Variants in WDR11 observed in about 807,000 individuals in gnomAD.
WDR11 encodes the protein WD repeat-containing protein 11.
Under a neutral mutation model 151.2 loss-of-function variants are expected in WDR11, and 83 were observed. The ratio of observed to expected loss-of-function variants is 0.55; its 90% CI spans 0.46 to 0.66. The LOEUF (loss-of-function observed/expected upper bound fraction) is 0.66, where lower values mean the gene tolerates loss of function less well. Among genes scored for constraint, WDR11 ranks in the 30% least tolerant of loss-of-function variants. The probability of loss-of-function intolerance (pLI) is 0.00; values close to 1 mark genes in which losing one functional copy is unlikely to be tolerated. For synonymous variants in WDR11, 484 were observed against 533.1 expected, an observed-to-expected ratio of 0.91 and a Z score of 1.27; for missense variants, 1,301 against 1,480.9, an observed-to-expected ratio of 0.88 and a Z score of 1.99.
At chr10:120,871,492 C>A in intron 10 of WDR11, 146 bp downstream of exon 10, 1 of 661,178 alleles carries the variant, frequency 1.5e-6, no homozygotes, top group Non-Finnish European at 2.2e-6. Context: ...CATCCTGGAA[C>A]TTAAAAAAAA....
At chr10:120,908,386 C>A in intron 28 of WDR11, 170 bp from the exon 29 acceptor site, 1 of 685,892 alleles carries the variant, frequency 1.5e-6, no homozygotes. Context: ...GGGAATCACC[C>A]TCTGCCCGCG....
At chr10:120,902,053 G>C (rs752605332) in intron 21 of WDR11, among the ~76,000 whole-genome samples, 1 of 152,232 alleles carries the variant, frequency 6.6e-6, no homozygotes, top group Non-Finnish European at 1.5e-5. Flanking sequence ...GCTGAAAGCT[G>C]CTGCTTCTCC....
intron 9 of WDR11, among the ~76,000 whole-genome samples, chr10:120,869,104 A>AG (rs59791915): frequency 7.6e-6 from 1 of 131,370 alleles, no homozygotes; most frequent in African/African-American, 2.9e-5. Context: ...TATAAATTAC[A>AG]GGTTTTTTTT....
At chr10:120,867,223 A>G in intron 9 of WDR11, 54 bp downstream of exon 9, 7 of 1,237,234 alleles carry the variant, frequency 5.7e-6, no homozygotes, top group Non-Finnish European at 8.4e-6. Flanking sequence ...GAAGGGCAAA[A>G]TTAATAGAAT....
In WDR11 at chr10:120,874,217, G is replaced by GT. The variant is rs1274691573; in HGVS notation, c.1556+298dup. ...TGTTGTTGTTGTTGTTGTTTGTTTTGTTTTGTTTTGTTTTTTTTAAATGGC... is the reference window on the plus strand; with the variant it reads ...TGTTGTTGTTGTTGTTGTTTGTTTTGTTTTTGTTTTGTTTTTTTTAAATGGC... On this transcript the variant is annotated intron_variant, in intron 11 of 28. Transcript: ENST00000263461. 3.0e-4 allele frequency among the ~76,000 whole-genome samples: 24 copies of GT among 79,772 alleles called. 2 individuals carry two copies. Among genetic ancestry groups the GT allele is most frequent in the African/African-American group, 6.4e-4 (11 of 17,294 alleles). The allele number at this position is 79,772 out of a possible 152,430, so 52.3% of individuals were successfully genotyped here. A position where few individuals can be genotyped will look rare whatever the true frequency, so the allele number is the denominator to read the frequency against.
chr10:120,858,087 T>C (rs1846015191), intron 2 of WDR11, among the ~76,000 whole-genome samples: 1 of 152,196 alleles, frequency 6.6e-6, no homozygotes, highest in Non-Finnish European at 1.5e-5. Flanking sequence ...ATGTGTTTTT[T>C]ATTTTAAAAA....
chr10:120,882,029 C>A (rs1474572582), intron 13 of WDR11, among the ~76,000 whole-genome samples: 1 of 151,974 alleles, frequency 6.6e-6, no homozygotes, highest in Non-Finnish European at 1.5e-5. Flanking sequence ...AGTTTTATTC[C>A]TAGTTTGCTG....
chr10:120,863,194 C>T lies in WDR11; in HGVS notation c.713+273C>T, dbSNP rs1000764052. ...AATTCTGATTTTTACTTGTGAAAAT[C>T]GCAATGATCCTAAAGTTCAGGCAAT... On this transcript the variant is annotated intron_variant, in intron 5 of 28. Coordinates refer to ENST00000263461, the MANE Select transcript of WDR11 (RefSeq NM_018117.12). Among the ~76,000 whole-genome samples, 4 of 152,142 alleles carry T rather than the reference C, an allele frequency of 2.6e-5. No individual in the cohort carries two copies. In the South Asian group the frequency reaches 6.2e-4, roughly 24 times the overall value.
intron 9 of WDR11, 121 bp from the exon 10 acceptor site, chr10:120,871,049 T>G: frequency 9.9e-7 from 1 of 1,010,696 alleles, no homozygotes. Flanking sequence ...GCCACTAAAG[T>G]ACTACATTAA....
At position 120,865,667 on chromosome 10, in the gene WDR11, T is replaced by A; in HGVS notation, c.917T>A (p.Leu306Gln). 1.2e-6 allele frequency: 2 copies of A among 1,611,014 alleles called. No individual in the cohort carries two copies. Among genetic ancestry groups the A allele is most frequent in the South Asian group, 2.2e-5 (2 of 90,836 alleles). The part of the protein sequence containing the change: ...PCFQRDGLFC[L>Q]HENGCITLRV... ...TTTCAGCGTGATGGTTTATTTTGTC[T>A]ACATGAAAATGGTTGTATAACTTTA... The change falls in exon 7 of 29, where the codon CTA becomes CAA. Residue 306 changes from leucine (L) to glutamine (Q), a missense_variant. Leu to Gln is a moderately radical substitution (Grantham distance 113). Around this residue, in one of 3 missense-constraint regions of WDR11, gnomAD observed 692 missense variants for 762.5 expected, o/e 0.91. Coordinates refer to ENST00000263461, the MANE Select transcript of WDR11 (RefSeq NM_018117.12).
chr10:120,894,467 GGC>G (rs1206833605), intron 19 of WDR11, among the ~76,000 whole-genome samples: 2 of 152,132 alleles, frequency 1.3e-5, no homozygotes, highest in African/African-American at 4.8e-5. Flanking sequence ...GGAACGATCT[GGC>G]GCAATGAAGA....
intron 4 of WDR11, 28 bp downstream of exon 4, chr10:120,860,310 A>C: frequency 6.2e-7 from 1 of 1,605,804 alleles, no homozygotes; most frequent in Non-Finnish European, 8.5e-7. Flanking sequence ...GTGGAAAATG[A>C]GTTAAGTGAG....
chr10:120,861,411 C>T (rs554670443), intron 4 of WDR11, among the ~76,000 whole-genome samples: 2 of 152,246 alleles, frequency 1.3e-5, no homozygotes, highest in Non-Finnish European at 2.9e-5. Flanking sequence ...TACTTACTCA[C>T]ATAGGTGCAG....
Position 120,906,782 on chromosome 10 carries a change from A to T in WDR11, c.3444A>T (p.Arg1148Ser). ...GTTTTGTTCTGTTGAGCAGCATGAGATACTTTGATAGAGCAGCCTTATTTG... is the reference window on the plus strand; with the variant it reads ...GTTTTGTTCTGTTGAGCAGCATGAGTTACTTTGATAGAGCAGCCTTATTTG... Reference protein sequence around the residue: ...FSVAETLHSMRYFDRAALFVE... With the variant: ...FSVAETLHSMSYFDRAALFVE... The change falls in exon 28 of 29, where the codon AGA (arginine) becomes AGT (serine). Residue 1148 changes from arginine to serine, a missense_variant. Arg to Ser is a moderately radical substitution (Grantham distance 110). Around this residue, in one of 3 missense-constraint regions of WDR11, gnomAD observed 589 missense variants for 670.6 expected, o/e 0.88. Transcript: ENST00000263461. The T allele has an allele frequency of 1.2e-6, 2 of 1,614,146 alleles. No individual in the cohort carries two copies. The highest frequency in any genetic ancestry group is 1.7e-6 in the Non-Finnish European group (2 of 1,180,020).
At chr10:120,857,161 C>T (rs1374874335) in intron 2 of WDR11, among the ~76,000 whole-genome samples, 3 of 152,052 alleles carry the variant, frequency 2.0e-5, no homozygotes, top group Non-Finnish European at 4.4e-5. Context: ...GCTTGGGGAC[C>T]TATTTAAACA....
At chr10:120,881,574 G>A (rs1012927589) in intron 13 of WDR11, among the ~76,000 whole-genome samples, 1 of 151,920 alleles carries the variant, frequency 6.6e-6, no homozygotes. Context: ...ATATTTTGTA[G>A]TTTTCAGTGT....
intron 17 of WDR11, 181 bp from the exon 18 acceptor site, chr10:120,889,714 T>C (rs747681233): frequency 1.6e-6 from 1 of 623,728 alleles, no homozygotes; most frequent in Non-Finnish European, 2.9e-6. Flanking sequence ...CCTGCAGAAG[T>C]CTTAGCTGAC....
intron 12 of WDR11, chr10:120,880,114 G>A (rs1459884979): frequency 1.3e-5 from 2 of 152,090 alleles, no homozygotes; most frequent in Non-Finnish European, 2.9e-5. Context: ...TTAGTATTTG[G>A]AAACATGGGA....
Position 120,902,338 on chromosome 10 carries a change from G to A in WDR11, c.2753+16G>A, listed in dbSNP as rs199791683. 1.9e-6 allele frequency: 3 copies of A among 1,607,062 alleles called. No individual in the cohort carries two copies. The highest frequency in any genetic ancestry group is 2.7e-5 in the African/African-American group (2 of 74,896). ...TTGTTTCAAGGTAATATTGTTTGATGTATTCTGTATAAGAGACAGGATTTC... is the reference window on the plus strand; with the variant it reads ...TTGTTTCAAGGTAATATTGTTTGATATATTCTGTATAAGAGACAGGATTTC... On this transcript the variant is annotated intron_variant, in intron 22 of 28. Coordinates refer to ENST00000263461, the MANE Select transcript of WDR11 (RefSeq NM_018117.12).
Sources: allele counts gnomAD v4.1 joint callset (sites outside exome capture counted in the v4.1 genomes callset), GRCh38; gene constraint gnomAD v4.1.1; regional missense constraint gnomAD v4.1.1; transcripts MANE v1.5; gene names NCBI Gene and HGNC (gene_info 2026-07-23, HGNC 2026-07-21).